Variants in ROBO1 observed in about 807,000 individuals in gnomAD.
ROBO1 encodes roundabout homolog 1.
In ROBO1, 149 loss-of-function variants were observed where a neutral mutation model predicts 195.9. The observed-to-expected ratio is 0.76, with a 90% CI of 0.67 to 0.87. ROBO1 has a LOEUF of 0.87. ROBO1 is among the 40% of genes least tolerant of loss of function. The pLI is 0.00. For missense variants in ROBO1, 1,933 were observed against 2,068.3 expected (o/e 0.93, Z 1.27); for synonymous variants, 816 against 733.2 (o/e 1.11, Z -1.82).
chr3:79,663,831 T>C (rs11127654), intron 1 of ROBO1, among the ~76,000 whole-genome samples: 46,275 of 151,860 alleles, frequency 0.3, 7,623 homozygotes, highest in East Asian at 0.51. Context: ...TCTTTGTTGG[T>C]CTCTTAAATG....
At chr3:78,762,466 C>T (rs1418954390) in intron 4 of ROBO1, among the ~76,000 whole-genome samples, 1 of 151,904 alleles carries the variant, frequency 6.6e-6, no homozygotes, top group East Asian at 1.9e-4. Context: ...GTTTGTTTTA[C>T]ATTCAGTGTT....
chr3:79,129,936 G>A (rs964506346), intron 2 of ROBO1, among the ~76,000 whole-genome samples: 6 of 131,228 alleles, frequency 4.6e-5, no homozygotes, highest in African/African-American at 1.5e-4. Flanking sequence ...ATTAAATAGG[G>A]AATCCTTTCC....
At chr3:79,347,045 G>A (rs1393775259) in intron 2 of ROBO1, among the ~76,000 whole-genome samples, 1 of 151,944 alleles carries the variant, frequency 6.6e-6, no homozygotes, top group Non-Finnish European at 1.5e-5. Flanking sequence ...GTACTATATA[G>A]TTACTTATAA....
chr3:79,677,999 A>G (rs1232134528), intron 1 of ROBO1, among the ~76,000 whole-genome samples: 1 of 152,122 alleles, frequency 6.6e-6, no homozygotes, highest in African/African-American at 2.4e-5. Flanking sequence ...AGAGTTATAT[A>G]TGAAATATTT....
chr3:78,775,073 C>T (rs2083470184), intron 4 of ROBO1, among the ~76,000 whole-genome samples: 1 of 152,166 alleles, frequency 6.6e-6, no homozygotes. Context: ...ATATCATACA[C>T]TTTGAAGAAA....
In ROBO1 at chr3:79,698,370, CAGAT is replaced by C. The variant is rs569729239; in HGVS notation, c.-51+69378_-51+69381del. 1.2e-3 allele frequency among the ~76,000 whole-genome samples: 187 copies of C among 151,338 alleles called. 1 individual carries two copies. Among genetic ancestry groups the C allele is most frequent in the African/African-American group, 3.9e-3 (161 of 41,394 alleles). The stretch of plus-strand genomic sequence containing the variant: ...TTTATTATTGGTTAAAAAACAATCA[CAGAT>C]AGATAAGATAGGTAAGATAGATATA... On this transcript the variant is annotated intron_variant, in intron 1 of 30. Transcript: ENST00000464233.
intron 2 of ROBO1, among the ~76,000 whole-genome samples, chr3:79,553,589 G>A (rs1021261002): frequency 4.6e-5 from 7 of 152,060 alleles, no homozygotes; most frequent in Non-Finnish European, 8.8e-5. Context: ...ATAGGTATCA[G>A]ATAGGTACCA....
intron 24 of ROBO1, among the ~76,000 whole-genome samples, chr3:78,632,550 G>A (rs1048591656): frequency 6.6e-5 from 10 of 152,210 alleles, no homozygotes; most frequent in South Asian, 2.1e-4. Flanking sequence ...CCATCAGTCC[G>A]GAGAGGCCTA....
chr3:78,608,795 TG>T (rs1703619607), intron 28 of ROBO1, among the ~76,000 whole-genome samples: 1 of 150,272 alleles, frequency 6.7e-6, no homozygotes, highest in African/African-American at 2.5e-5. Context: ...AGTACAGGGG[TG>T]GGGGGAGGAA....
chr3:79,497,142 G>A (rs1939791127), intron 2 of ROBO1, among the ~76,000 whole-genome samples: 1 of 152,112 alleles, frequency 6.6e-6, no homozygotes, highest in Non-Finnish European at 1.5e-5. Flanking sequence ...TAAAGAAAAT[G>A]GCGATGCTGC....
At chr3:79,568,645 G>T (rs1943170765) in intron 2 of ROBO1, among the ~76,000 whole-genome samples, 1 of 151,536 alleles carries the variant, frequency 6.6e-6, no homozygotes, top group African/African-American at 2.4e-5. Context: ...ATGCTTGTCT[G>T]TCCTTTGTTC....
intron 2 of ROBO1, among the ~76,000 whole-genome samples, chr3:79,512,601 G>C (rs2107546590): frequency 6.6e-6 from 1 of 152,096 alleles, no homozygotes; most frequent in South Asian, 2.1e-4. Flanking sequence ...ATATCCTAGA[G>C]ATAATTTCCT....
chr3:79,569,719 A>ATG (rs1943215679), intron 2 of ROBO1, among the ~76,000 whole-genome samples: 1 of 150,220 alleles, frequency 6.7e-6, no homozygotes, highest in Non-Finnish European at 1.5e-5. Flanking sequence ...GTATATATAT[A>ATG]TGTGTGTGTA....
intron 2 of ROBO1, among the ~76,000 whole-genome samples, chr3:79,573,192 G>A (rs984363769): frequency 2.0e-5 from 3 of 152,090 alleles, no homozygotes; most frequent in Non-Finnish European, 4.4e-5. Flanking sequence ...GGGACTACAG[G>A]CATGTGTCAC....
At chr3:79,440,577 C>T (rs77405610) in intron 2 of ROBO1, among the ~76,000 whole-genome samples, 7,005 of 152,130 alleles carry the variant, frequency 0.046, 286 homozygotes, top group East Asian at 0.2. Context: ...AAACAAGCTC[C>T]CCTTGTTTAT....
chr3:79,369,562 G>A (rs191904499), intron 2 of ROBO1, among the ~76,000 whole-genome samples: 11 of 152,260 alleles, frequency 7.2e-5, no homozygotes, highest in African/African-American at 2.2e-4. Context: ...TCTGCCCTCT[G>A]TGGGTAAGAG....
At chr3:79,502,368 G>T (rs1940128499) in intron 2 of ROBO1, among the ~76,000 whole-genome samples, 1 of 152,186 alleles carries the variant, frequency 6.6e-6, no homozygotes, top group Non-Finnish European at 1.5e-5. Flanking sequence ...TGTCCCCGCC[G>T]CCCGGGCAGT....
At chr3:79,185,550 A>T (rs1199105476) in intron 2 of ROBO1, among the ~76,000 whole-genome samples, 1 of 152,176 alleles carries the variant, frequency 6.6e-6, no homozygotes, top group East Asian at 1.9e-4. Context: ...TTCATCTTAG[A>T]AAATAACTGA....
At chr3:78,746,335 T>A (rs914092001) in intron 5 of ROBO1, among the ~76,000 whole-genome samples, 2 of 152,110 alleles carry the variant, frequency 1.3e-5, no homozygotes, top group Non-Finnish European at 2.9e-5. Flanking sequence ...CTTTTAAAAA[T>A]GAGAAAAAAA....
Sources: gnomAD v4.1 joint callset for allele counts (sites outside exome capture counted in the v4.1 genomes callset) on GRCh38, gnomAD v4.1.1 for gene constraint, MANE v1.5 for transcripts, NCBI Gene and HGNC (gene_info 2026-07-23, HGNC 2026-07-21) for gene names.